The following BMP3 variants were observed in gnomAD, a reference collection of about 807,000 sequenced individuals.
The protein encoded by BMP3 is bone morphogenetic protein 3, also known as bone morphogenetic protein 3 (osteogenic).
BMP3 carries 23 observed loss-of-function variants against 38.1 expected under a neutral mutation model. That is an observed-to-expected ratio of 0.60 (90% CI 0.43 to 0.86). The LOEUF (loss-of-function observed/expected upper bound fraction) is 0.86. BMP3 is among the 40% of genes least tolerant of loss of function. The pLI is 0.00. For synonymous variants in BMP3, 258 were observed against 225.7 expected, an observed-to-expected ratio of 1.14 and a Z score of -1.28; for missense variants, 628 against 579.6, an observed-to-expected ratio of 1.08 and a Z score of -0.86.
At position 81,031,530 on chromosome 4, in the gene BMP3, C is replaced by A; in HGVS notation, c.246C>A (p.Gly82=). 1 of 1,611,600 alleles carries A rather than the reference C, an allele frequency of 6.2e-7. No homozygotes were observed. Among genetic ancestry groups the A allele is most frequent in the Non-Finnish European group, 8.5e-7 (1 of 1,179,246 alleles). The change falls in exon 1 of 3, where the codon GGC becomes GGA. Residue 82 remains glycine (G), a synonymous_variant. Coordinates refer to ENST00000282701, the MANE Select transcript of BMP3 (RefSeq NM_001201.5). ...AARTPGSLEG[G]SQPWRPRLLR... is the part of the protein sequence containing the mutation. ...GGACACCGGGCTCCCTGGAGGGAGG[C>A]TCGCAGCCCTGGCGCCCTCGGCTCC...
At position 81,046,089 on chromosome 4, in the gene BMP3, C is replaced by G. The variant is rs1277172429; in HGVS notation, c.668C>G (p.Ser223Cys). The G allele has an allele frequency of 1.2e-6, 2 of 1,614,140 alleles. No individual in the cohort carries two copies. Among genetic ancestry groups the G allele is most frequent in the Non-Finnish European group, 8.5e-7 (1 of 1,180,028 alleles). The change falls in exon 2 of 3, where the codon TCC becomes TGC. Residue 223 changes from serine (S) to cysteine (C), a missense_variant. Physicochemically the swap from Ser to Cys is moderately radical, Grantham distance 112. Transcript: ENST00000282701. ...EEFLIGFNIT[S>C]KGRQLPKRRL... ...TTCCTCATAGGATTTAACATTACGT[C>G]CAAGGGACGCCAGCTGCCAAAGAGG...
chr4:81,038,707 T>C (rs147862880), intron 1 of BMP3, among the ~76,000 whole-genome samples: 1 of 152,336 alleles, frequency 6.6e-6, no homozygotes, highest in African/African-American at 2.4e-5. Context: ...TACTTGAAAG[T>C]TTTTATGCTT....
chr4:81,041,061 A>C (rs1313920970), intron 1 of BMP3, among the ~76,000 whole-genome samples: 2 of 152,212 alleles, frequency 1.3e-5, no homozygotes, highest in East Asian at 3.8e-4. Flanking sequence ...GCTACAACTC[A>C]TGGGGAAGAG....
chr4:81,048,246 T>G (rs750076328), intron 2 of BMP3, among the ~76,000 whole-genome samples: 1 of 152,164 alleles, frequency 6.6e-6, no homozygotes, highest in African/African-American at 2.4e-5. Flanking sequence ...ACAACAAAGA[T>G]GACAAATGTA....
chr4:81,049,293 T>A (rs1158116495), intron 2 of BMP3, among the ~76,000 whole-genome samples: 1 of 152,194 alleles, frequency 6.6e-6, no homozygotes, highest in Non-Finnish European at 1.5e-5. Context: ...GTTTTCTAAA[T>A]GTTTCTAGTC....
chr4:81,041,058 C>T (rs964808019), intron 1 of BMP3, among the ~76,000 whole-genome samples: 8 of 152,124 alleles, frequency 5.3e-5, no homozygotes, highest in African/African-American at 1.4e-4. Context: ...TGTGCTACAA[C>T]TCATGGGGAA....
chr4:81,045,252 A>G (rs1000814869), intron 1 of BMP3, among the ~76,000 whole-genome samples: 2 of 152,022 alleles, frequency 1.3e-5, no homozygotes, highest in African/African-American at 4.8e-5. Context: ...CCATTTATAT[A>G]TCTTCTTTGA....
rs1266773148 is a variant in BMP3 at position 81,031,254 on chromosome 4, G to C, written c.-31G>C. The C allele has an allele frequency of 3.9e-6, 6 of 1,548,222 alleles. No homozygotes were observed. Among genetic ancestry groups the C allele is most frequent in the Non-Finnish European group, 4.4e-6 (5 of 1,147,236 alleles). ...CTTCGGAGTGTCCCGCAGCGACGCC[G>C]GGAGCCGACGCGCCGCGCGGGTACC... is the stretch of plus-strand genomic sequence containing the variant. On this transcript the variant is annotated 5_prime_UTR_variant, in exon 1 of 3. Coordinates refer to ENST00000282701, the MANE Select transcript of BMP3 (RefSeq NM_001201.5).
Position 81,031,197 on chromosome 4 carries a change from CAA to C in BMP3, c.-87_-86del, listed in dbSNP as rs1320168963. The C allele has an allele frequency of 4.3e-5, 60 of 1,400,154 alleles. No homozygotes were observed. Among genetic ancestry groups the C allele is most frequent in the East Asian group, 4.3e-4 (17 of 39,688 alleles). 86.7% of individuals were successfully genotyped at this position (1,400,154 alleles called of 1,614,324 possible). A position where few individuals can be genotyped will look rare whatever the true frequency, so the allele number is the denominator to read the frequency against. On this transcript the variant is annotated 5_prime_UTR_variant, in exon 1 of 3. Coordinates refer to ENST00000282701, the MANE Select transcript of BMP3 (RefSeq NM_001201.5). ...CCCTCGCCCCAGCTGGTTTGGAGTT[CAA>C]CCCTCGGCTCCGCCGCCGGCTCCTT...
intron 1 of BMP3, among the ~76,000 whole-genome samples, chr4:81,042,656 A>G (rs1740111511): frequency 1.3e-5 from 2 of 152,230 alleles, no homozygotes; most frequent in Admixed American, 1.3e-4. Flanking sequence ...TGTTTGAAAG[A>G]AGAAAATATT....
Position 81,033,269 on chromosome 4 carries a change from A to T in BMP3, c.316+1669A>T, listed in dbSNP as rs577023527. The stretch of plus-strand genomic sequence containing the variant: ...TGGAGGTAGAATTTGAATTTGTTTC[A>T]TTCACGTATTGTATAGCTTTTATTT... On this transcript the variant is annotated intron_variant, in intron 1 of 2. Coordinates refer to ENST00000282701, the MANE Select transcript of BMP3 (RefSeq NM_001201.5). Among the ~76,000 whole-genome samples, 182 of 152,352 alleles carry T rather than the reference A, an allele frequency of 1.2e-3. 1 individual carries two copies. Among genetic ancestry groups the T allele is most frequent in the Non-Finnish European group, 1.7e-3 (118 of 68,022 alleles).
Position 81,055,704 on chromosome 4 carries a change from T to G in BMP3, c.*2168T>G, listed in dbSNP as rs1474054893. On this transcript the variant is annotated 3_prime_UTR_variant, in exon 3 of 3. Coordinates refer to ENST00000282701, the MANE Select transcript of BMP3 (RefSeq NM_001201.5). ...AGTATCACTTCTTAGCCTTCTTATA[T>G]CCAAATGCCTGTTTATTACCTTTCT... The G allele has an allele frequency of 6.6e-6, 1 of 152,176 alleles. No individual in the cohort carries two copies. The highest frequency in any genetic ancestry group is 1.5e-5 in the Non-Finnish European group (1 of 68,028). 9.4% of individuals were successfully genotyped at this position (152,176 alleles called of 1,614,324 possible).
rs1307368735 is a variant in BMP3, at chr4:81,053,600, T to TG, written c.*65dup. On this transcript the variant is annotated 3_prime_UTR_variant, in exon 3 of 3. Transcript: ENST00000282701. ...TAGTTTATTTTTATGGACTTCTTCC[T>TG]GTTTTTTTTTTTTTTTTTTTTGCAC... The TG allele has an allele frequency of 4.8e-5, 40 of 835,520 alleles. No individual in the cohort carries two copies. In the East Asian group the frequency reaches 1.3e-3, roughly 26 times the overall value. 51.8% of individuals were successfully genotyped at this position (835,520 alleles called of 1,614,324 possible).
rs1228278696 is a variant in BMP3, at chr4:81,055,980, G to A, written c.*2444G>A. On this transcript the variant is annotated 3_prime_UTR_variant, in exon 3 of 3. Coordinates refer to ENST00000282701, the MANE Select transcript of BMP3 (RefSeq NM_001201.5). ...TGAGGATGTATTATGGTTTAAATTGGAAGAGTTTTATTCCCAAAGAATAAA... is the reference window on the plus strand; with the variant it reads ...TGAGGATGTATTATGGTTTAAATTGAAAGAGTTTTATTCCCAAAGAATAAA... The A allele has an allele frequency of 6.6e-6, 1 of 152,086 alleles. No individual in the cohort carries two copies. The highest frequency in any genetic ancestry group is 1.5e-5 in the Non-Finnish European group (1 of 68,006). The allele number at this position is 152,086 out of a possible 1,614,324, so 9.4% of individuals were successfully genotyped here. A position where few individuals can be genotyped will look rare whatever the true frequency, so the allele number is the denominator to read the frequency against.
rs1740510927 is a variant in BMP3 at position 81,055,023 on chromosome 4, G to A, written c.*1487G>A. On this transcript the variant is annotated 3_prime_UTR_variant, in exon 3 of 3. Coordinates refer to ENST00000282701, the MANE Select transcript of BMP3 (RefSeq NM_001201.5). ...CAGTCATTTAATAAATATGTTTTGA[G>A]CATCTATTTTGTGAAAGGCACTGTG... 6.6e-6 allele frequency: 1 copy of A among 152,102 alleles called. No individual in the cohort carries two copies. The highest frequency in any genetic ancestry group is 1.5e-5 in the Non-Finnish European group (1 of 68,012). 9.4% of individuals were successfully genotyped at this position (152,102 alleles called of 1,614,324 possible). A position where few individuals can be genotyped will look rare whatever the true frequency, so the allele number is the denominator to read the frequency against.
In BMP3 at chr4:81,053,599, C is replaced by CTTTTTT; in HGVS notation, c.*64_*65insTTTTTT. 1 of 561,922 alleles carries CTTTTTT rather than the reference C, an allele frequency of 1.8e-6. No individual in the cohort carries two copies. The highest frequency in any genetic ancestry group is 2.4e-6 in the Non-Finnish European group (1 of 413,328). The allele number at this position is 561,922 out of a possible 1,614,324, so 34.8% of individuals were successfully genotyped here. A position where few individuals can be genotyped will look rare whatever the true frequency, so the allele number is the denominator to read the frequency against. The stretch of plus-strand genomic sequence containing the variant: ...TTAGTTTATTTTTATGGACTTCTTC[C>CTTTTTT]TGTTTTTTTTTTTTTTTTTTTTGCA... On this transcript the variant is annotated 3_prime_UTR_variant, in exon 3 of 3. Coordinates refer to ENST00000282701, the MANE Select transcript of BMP3 (RefSeq NM_001201.5).
intron 1 of BMP3, chr4:81,037,289 A>C (rs1260258005): frequency 6.3e-6 from 1 of 159,626 alleles, no homozygotes; most frequent in African/African-American, 2.4e-5. Context: ...AGTTGCATGA[A>C]ATTAATTTAA....
chr4:81,045,905 C>T lies in BMP3; in HGVS notation c.484C>T (p.Gln162Ter), dbSNP rs1162201492. The change falls in exon 2 of 3, where the codon CAG becomes TAG. Residue 162 changes from glutamine (Q) to a stop codon, truncating the protein, a stop_gained. Coordinates refer to ENST00000282701, the MANE Select transcript of BMP3 (RefSeq NM_001201.5). LOFTEE classifies it high-confidence loss of function. ...CCATCATGCTCAGAGGAAACACATT[C>T]AGATTGATCTTTCTGCATGGACCCT... ...CSHHAQRKHI[Q>*]IDLSAWTLKF... 9 of 1,614,126 alleles carry T rather than the reference C, an allele frequency of 5.6e-6. No homozygotes were observed. The highest frequency in any genetic ancestry group is 7.6e-6 in the Non-Finnish European group (9 of 1,180,016).
At position 81,041,020 on chromosome 4, in the gene BMP3, C is replaced by T. The variant is rs138572585; in HGVS notation, c.317-4718C>T. Among the ~76,000 whole-genome samples, 170 of 152,056 alleles carry T rather than the reference C, an allele frequency of 1.1e-3. 1 individual carries two copies. The highest frequency in any genetic ancestry group is 8.7e-3 in the East Asian group (45 of 5,178). On this transcript the variant is annotated intron_variant, in intron 1 of 2. Transcript: ENST00000282701. The stretch of plus-strand genomic sequence containing the variant: ...TATTTTTTATTTACTGATATTCAAA[C>T]GTAGATATTTGTGTGCATAGATAAA...
Sources: gnomAD v4.1 joint callset for allele counts (sites outside exome capture counted in the v4.1 genomes callset) on GRCh38, gnomAD v4.1.1 for gene constraint, MANE v1.5 for transcripts, NCBI Gene and HGNC (gene_info 2026-07-23, HGNC 2026-07-21) for gene names.